RAB13: variants seen among roughly 807,000 people sequenced by gnomAD.
RAB13 encodes the protein RAB13, member RAS oncogene family, also known as ras-related protein Rab-13.
RAB13 carries 15 observed loss-of-function variants against 29.3 expected under a neutral mutation model. The ratio of observed to expected loss-of-function variants is 0.51; its 90% confidence interval spans 0.34 to 0.79. The LOEUF is 0.79. Among genes scored for constraint, RAB13 ranks in the 30% least tolerant of loss-of-function variants. The probability of loss-of-function intolerance (pLI) is 0.01; values close to 1 mark genes in which losing one functional copy is unlikely to be tolerated. For missense variants in RAB13, 186 were observed against 255.5 expected, an observed-to-expected ratio of 0.73 and a Z score of 1.85; for synonymous variants, 82 against 93.8, an observed-to-expected ratio of 0.87 and a Z score of 0.73.
chr1:153,985,888 A>G (rs1249579914), intron 1 of RAB13: 4 of 573,800 alleles, frequency 7.0e-6, no homozygotes, highest in Non-Finnish European at 1.1e-5. Context: ...CAAGAAAATG[A>G]GGAGCTGGCA....
upstream of RAB13, among the ~76,000 whole-genome samples, chr1:153,989,315 T>C (rs1649281087): frequency 6.7e-6 from 1 of 148,696 alleles, no homozygotes; most frequent in Non-Finnish European, 1.5e-5. Flanking sequence ...AGCGGCGCGA[T>C]CTCCGCTCAC....
In RAB13 at chr1:153,986,098, G is replaced by A. The variant is rs760164460; in HGVS notation, c.124+15C>T. On this transcript the variant is annotated intron_variant, in intron 1 of 7. Coordinates refer to ENST00000368575, the MANE Select transcript of RAB13 (RefSeq NM_002870.5). ...ACAGGAGAGTCGGGGTCTGGGACAT[G>A]GCCAGCGGGCTCACCGATGGTGGAG... 66 of 1,612,876 alleles carry A rather than the reference G, an allele frequency of 4.1e-5. No homozygotes were observed. Among genetic ancestry groups the A allele is most frequent in the Middle Eastern group, 1.9e-4 (1 of 5,320 alleles).
chr1:153,985,947 A>C, intron 1 of RAB13, 166 bp downstream of exon 1: 1 of 1,238,364 alleles, frequency 8.1e-7, no homozygotes, highest in South Asian at 1.7e-5. Context: ...AGGTTTGGTT[A>C]CTATACAGAG....
At chr1:153,984,177 CAAAAAAA>C (rs751964337) in intron 2 of RAB13, among the ~76,000 whole-genome samples, 6 of 74,498 alleles carry the variant, frequency 8.1e-5, no homozygotes, top group Admixed American at 4.2e-4. Flanking sequence ...AACTCTGTCT[CAAAAAAA>C]AAAAAAAAAA....
Position 153,983,269 on chromosome 1 carries a change from C to T in RAB13, c.274G>A (p.Asp92Asn), listed in dbSNP as rs377318766. The T allele has an allele frequency of 1.9e-6, 3 of 1,614,090 alleles. No homozygotes were observed. The highest frequency in any genetic ancestry group is 1.3e-5 in the African/African-American group (1 of 75,048). ...MGIILVYDIT[D>N]EKSFENIQNW... Reference sequence around the variant, plus strand: ...TGAATATTCTCGAAAGATTTCTCATCCGTGATGTCGTATACTAGGATAATG... The same window carrying T: ...TGAATATTCTCGAAAGATTTCTCATTCGTGATGTCGTATACTAGGATAATG... The change falls in exon 4 of 8, where the codon GAT becomes AAT. Residue 92 changes from aspartate (D) to asparagine (N), a missense_variant. Transcript: ENST00000368575.
chr1:153,986,398 G>T (rs1389605935), upstream of RAB13: 20 of 634,430 alleles, frequency 3.2e-5, 1 homozygote, highest in South Asian at 3.1e-4. Context: ...ACCCCTCCGG[G>T]CTCCACCCCC....
At position 153,981,701 on chromosome 1, in the gene RAB13, G is replaced by C. The variant is rs1432195977; in HGVS notation, c.*398C>G. 1 of 207,284 alleles carries C rather than the reference G, an allele frequency of 4.8e-6. No homozygotes were observed. Among genetic ancestry groups the C allele is most frequent in the Non-Finnish European group, 9.8e-6 (1 of 101,770 alleles). The allele number at this position is 207,284 out of a possible 1,614,324, so 12.8% of individuals were successfully genotyped here. A position where few individuals can be genotyped will look rare whatever the true frequency, so the allele number is the denominator to read the frequency against. ...CCAAGAAAGACCATGACAAGTGACAGAACAGGAGCAAATTCCCTAGTGTAG... is the reference window on the plus strand; with the variant it reads ...CCAAGAAAGACCATGACAAGTGACACAACAGGAGCAAATTCCCTAGTGTAG... On this transcript the variant is annotated 3_prime_UTR_variant, in exon 8 of 8. Transcript: ENST00000368575.
chr1:153,986,154 A>G lies in RAB13; in HGVS notation c.83T>C (p.Phe28Ser). ...AGTGTTGTTGAAGTTGTCCTCTGCA[A>G]AGCGAATGATCAGACAAGTCTTGCC... ...GVGKTCLIIRFAEDNFNNTYI... is the reference protein window; with the variant it reads ...GVGKTCLIIRSAEDNFNNTYI... Residue 28 changes from phenylalanine (F) to serine (S), a missense_variant, in exon 1 of 8, where the codon TTT becomes TCT. Transcript: ENST00000368575. 3.7e-6 allele frequency: 6 copies of G among 1,613,976 alleles called. No homozygotes were observed. Among genetic ancestry groups the G allele is most frequent in the Non-Finnish European group, 5.1e-6 (6 of 1,179,966 alleles).
Position 153,983,586 on chromosome 1 carries a change from A to G in RAB13, c.186-5T>C. 6.2e-7 allele frequency: 1 copy of G among 1,601,482 alleles called. No individual in the cohort carries two copies. Among genetic ancestry groups the G allele is most frequent in the Non-Finnish European group, 8.6e-7 (1 of 1,168,558 alleles). ...CGCTCTTGGCCAGCCGTGTCCCTAA[A>G]GAAGGAGAAGTTTTCATGGGATGGA... On this transcript the variant is annotated splice_polypyrimidine_tract_variant and splice_region_variant and intron_variant, in intron 2 of 7. Transcript: ENST00000368575.
chr1:153,982,715 T>C lies in RAB13; in HGVS notation c.414+4A>G, dbSNP rs1169013766. 6.2e-7 allele frequency: 1 copy of C among 1,614,144 alleles called. No individual in the cohort carries two copies. Among genetic ancestry groups the C allele is most frequent in the Admixed American group, 1.7e-5 (1 of 60,022 alleles). On this transcript the variant is annotated splice_donor_region_variant and intron_variant, in intron 5 of 7. Coordinates refer to ENST00000368575, the MANE Select transcript of RAB13 (RefSeq NM_002870.5). ...TCTAGAACATTGCTCAGCCTGGCCC[T>C]CACCTTATCGGCCTGCTCCTTCTGC...
chr1:153,983,701 C>A, intron 2 of RAB13, 120 bp from the exon 3 acceptor site: 1 of 823,578 alleles, frequency 1.2e-6, no homozygotes, highest in Non-Finnish European at 2.0e-6. Flanking sequence ...AATAAGGAAA[C>A]AGTAAAGGGG....
chr1:153,985,936 G>C (rs1649150419), intron 1 of RAB13, 177 bp downstream of exon 1: 1 of 1,104,900 alleles, frequency 9.1e-7, no homozygotes, highest in African/African-American at 1.6e-5. Context: ...AGAGAGGTGA[G>C]AGGTTTGGTT....
chr1:153,984,141 C>A (rs1454269314), intron 2 of RAB13, among the ~76,000 whole-genome samples: 1 of 142,888 alleles, frequency 7.0e-6, no homozygotes, highest in African/African-American at 2.6e-5. Flanking sequence ...TGTGCCATTG[C>A]ACTCCAGCCT....
upstream of RAB13, among the ~76,000 whole-genome samples, chr1:153,988,238 C>T (rs945526404): frequency 4.6e-5 from 7 of 151,106 alleles, no homozygotes; most frequent in East Asian, 1.9e-4. Flanking sequence ...CTGATCCGCC[C>T]GCCTCGGCCT....
rs1244503592 is a variant in RAB13 at position 153,982,328 on chromosome 1, C to CACACACAT, written c.534+55_534+62dup. On this transcript the variant is annotated intron_variant, in intron 7 of 7. Coordinates refer to ENST00000368575, the MANE Select transcript of RAB13 (RefSeq NM_002870.5). ...ACACACACACACACACACACACACA[C>CACACACAT]ACACACATACATACACACACACACA... 9 of 1,501,080 alleles carry CACACACAT rather than the reference C, an allele frequency of 6.0e-6. No individual in the cohort carries two copies. In the East Asian group the frequency reaches 2.0e-4, roughly 34 times the overall value. The allele number at this position is 1,501,080 out of a possible 1,614,324, so 93.0% of individuals were successfully genotyped here.
Position 153,982,432 on chromosome 1 carries a change from G to C in RAB13, c.493C>G (p.Leu165Val). 2 of 1,613,976 alleles carry C rather than the reference G, an allele frequency of 1.2e-6. No homozygotes were observed. Among genetic ancestry groups the C allele is most frequent in the South Asian group, 1.1e-5 (1 of 91,070 alleles). ...GACTTGAGCAAGATGTCCCGGGCCAGGGAACTAAAAGCCTAAAGTGGGGAA... is the reference window on the plus strand; with the variant it reads ...GACTTGAGCAAGATGTCCCGGGCCACGGAACTAAAAGCCTAAAGTGGGGAA... ...SMNVDEAFSS[L>V]ARDILLKSGG... Residue 165 changes from leucine (L) to valine (V), a missense_variant, in exon 7 of 8, where the codon CTG (leucine) becomes GTG (valine). Transcript: ENST00000368575.
chr1:153,982,880 A>G, intron 4 of RAB13, 72 bp from the exon 5 acceptor site: 1 of 1,480,454 alleles, frequency 6.8e-7, no homozygotes, highest in Non-Finnish European at 9.4e-7. Context: ...TAATCCCAGC[A>G]CTTTGGGAGG....
In RAB13 at chr1:153,983,264, C is replaced by A; in HGVS notation, c.279G>T (p.Glu93Asp). The A allele has an allele frequency of 6.2e-7, 1 of 1,614,048 alleles. No homozygotes were observed. The highest frequency in any genetic ancestry group is 1.7e-5 in the Admixed American group (1 of 60,018). Residue 93 changes from glutamate (E) to aspartate (D), a missense_variant, in exon 4 of 8, where the codon GAG becomes GAT. By Grantham distance (45) the Glu-to-Asp change is conservative (BLOSUM62 2). Transcript: ENST00000368575. ...GIILVYDITD[E>D]KSFENIQNWM... ...AGTTCTGAATATTCTCGAAAGATTT[C>A]TCATCCGTGATGTCGTATACTAGGA...
At chr1:153,985,376 G>T in intron 1 of RAB13, 1 of 983,612 alleles carries the variant, frequency 1.0e-6, no homozygotes, top group Non-Finnish European at 1.2e-6. Context: ...CAAGCCAGAG[G>T]AGATGAAGAA....
Sources: allele counts gnomAD v4.1 joint callset (sites outside exome capture counted in the v4.1 genomes callset), GRCh38; gene constraint gnomAD v4.1.1; transcripts MANE v1.5; gene names NCBI Gene and HGNC (gene_info 2026-07-23, HGNC 2026-07-21).